The following SMURF2 variants were observed in gnomAD, a reference collection of about 807,000 sequenced individuals.
SMURF2 encodes E3 ubiquitin-protein ligase SMURF2.
SMURF2 carries 48 observed loss-of-function variants against 109.6 expected under a neutral mutation model. The ratio of observed to expected loss-of-function variants is 0.44; its 90% confidence interval spans 0.35 to 0.56. The LOEUF is 0.56. SMURF2 is among the 20% of genes least tolerant of loss of function. The pLI, the probability that SMURF2 is intolerant of heterozygous loss-of-function variation, is 0.01. For missense variants in SMURF2, 575 were observed against 909.0 expected, an observed-to-expected ratio of 0.63 and a Z score of 4.72; for synonymous variants, 288 against 317.1, an observed-to-expected ratio of 0.91 and a Z score of 0.97.
At chr17:64,608,514 TA>T (rs1555689264) in intron 1 of SMURF2, among the ~76,000 whole-genome samples, 1 of 152,176 alleles carries the variant, frequency 6.6e-6, no homozygotes, top group Non-Finnish European at 1.5e-5. Flanking sequence ...ACTTTTGTCA[TA>T]ATATAAATTG....
At chr17:64,604,858 C>T (rs140595049) in intron 2 of SMURF2, among the ~76,000 whole-genome samples, 4,207 of 151,794 alleles carry the variant, frequency 0.028, 191 homozygotes, top group African/African-American at 0.096. Flanking sequence ...GCAGGAGAAT[C>T]GCTTGAACCC....
In SMURF2 at chr17:64,581,506, G is replaced by A. The variant is rs1969577995; in HGVS notation, c.570-515C>T. ...TCAGTTTATTATTGCCTCCTAAGAG[G>A]TCCCTCAGACCTCCCAATCTAAAAA... is the stretch of plus-strand genomic sequence containing the variant. On this transcript the variant is annotated intron_variant, in intron 7 of 18. Transcript: ENST00000262435. This position sits in a 1 kb window ranked among gnomAD's most constrained non-coding sequence, Gnocchi z 4.3. Among the ~76,000 whole-genome samples the A allele has an allele frequency of 6.6e-6, 1 of 151,916 alleles. No individual in the cohort carries two copies. Among genetic ancestry groups the A allele is most frequent in the Non-Finnish European group, 1.5e-5 (1 of 67,980 alleles).
intron 1 of SMURF2, among the ~76,000 whole-genome samples, chr17:64,648,050 C>T (rs1970582331): frequency 1.0e-5 from 1 of 99,342 alleles, no homozygotes; most frequent in Non-Finnish European, 1.8e-5. Flanking sequence ...CAGTGAGACC[C>T]TATCTCTTAA....
chr17:64,648,079 A>C (rs1192576534), intron 1 of SMURF2, among the ~76,000 whole-genome samples: 11 of 148,870 alleles, frequency 7.4e-5, no homozygotes, highest in South Asian at 2.1e-4. Flanking sequence ...AAAAAAAAAA[A>C]AAAAAAAAAA....
At chr17:64,568,112 C>G (rs1270749840) in intron 10 of SMURF2, among the ~76,000 whole-genome samples, 1 of 152,046 alleles carries the variant, frequency 6.6e-6, no homozygotes, top group African/African-American at 2.4e-5. Context: ...CCTTGGCCTC[C>G]CAAAGTGGTG....
At chr17:64,594,521 GTC>G (rs1555687925) in intron 3 of SMURF2, among the ~76,000 whole-genome samples, 1 of 152,050 alleles carries the variant, frequency 6.6e-6, no homozygotes, top group East Asian at 1.9e-4. Flanking sequence ...TTTGAATTTG[GTC>G]TCTGTTGCTT....
chr17:64,608,231 A>AATT (rs1428890549), intron 1 of SMURF2, among the ~76,000 whole-genome samples: 14 of 152,182 alleles, frequency 9.2e-5, no homozygotes, highest in Middle Eastern at 3.4e-3. Context: ...TTAGTGTATA[A>AATT]AAGCTCATTT....
Position 64,555,837 on chromosome 17 carries a change from G to C in SMURF2, c.1593C>G (p.Asn531Lys). The change falls in exon 14 of 19, where the codon AAC becomes AAG. Residue 531 changes from asparagine to lysine, a missense_variant. Asn to Lys is a moderately conservative substitution (Grantham distance 94, BLOSUM62 0). Coordinates refer to ENST00000262435, the MANE Select transcript of SMURF2 (RefSeq NM_022739.4). ...DMELVDPDLH[N>K]SLVWILENDI... Reference sequence around the variant, plus strand: ...ATACATACAGTATCCACACTAAACTGTTGTGAAGATCCGGATCTACTAACT... The same window carrying C: ...ATACATACAGTATCCACACTAAACTCTTGTGAAGATCCGGATCTACTAACT... 1.2e-6 allele frequency: 2 copies of C among 1,612,040 alleles called. No homozygotes were observed. The highest frequency in any genetic ancestry group is 1.7e-5 in the Admixed American group (1 of 59,962).
intron 7 of SMURF2, 32 bp downstream of exon 7, chr17:64,583,429 T>C (rs530720956): frequency 2.6e-6 from 4 of 1,560,022 alleles, no homozygotes; most frequent in Non-Finnish European, 3.5e-6. Context: ...GTGGCTGGCA[T>C]AGATCATGAG....
At chr17:64,569,487 A>C in intron 10 of SMURF2, among the ~76,000 whole-genome samples, 1 of 151,500 alleles carries the variant, frequency 6.6e-6, no homozygotes, top group East Asian at 1.9e-4. Flanking sequence ...GCTGGTCAAT[A>C]GGCCAAAAAA....
chr17:64,606,506 C>T, intron 2 of SMURF2, 96 bp downstream of exon 2: 1 of 886,248 alleles, frequency 1.1e-6, no homozygotes, highest in Non-Finnish European at 1.7e-6. Flanking sequence ...ACTGACAATA[C>T]TTCTGAATAG....
At chr17:64,638,062 CTTTT>C (rs1195172818) in intron 1 of SMURF2, among the ~76,000 whole-genome samples, 1 of 102,424 alleles carries the variant, frequency 9.8e-6, no homozygotes, top group Admixed American at 1.0e-4. Flanking sequence ...TTTCCTTTTT[CTTTT>C]TTTTTTTTTT....
intron 1 of SMURF2, among the ~76,000 whole-genome samples, chr17:64,645,229 T>C (rs1182994172): frequency 1.3e-5 from 2 of 152,202 alleles, no homozygotes; most frequent in East Asian, 3.8e-4. Context: ...GAGATGCTGA[T>C]ATATTTAATA....
chr17:64,587,895 A>C (rs1265707566), intron 5 of SMURF2, among the ~76,000 whole-genome samples: 1 of 152,170 alleles, frequency 6.6e-6, no homozygotes, highest in Non-Finnish European at 1.5e-5. Context: ...AGTAAGATTC[A>C]AAGCTAAAGA....
intron 1 of SMURF2, among the ~76,000 whole-genome samples, chr17:64,627,309 T>C (rs1970281068): frequency 6.6e-6 from 1 of 152,012 alleles, no homozygotes; most frequent in Non-Finnish European, 1.5e-5. Flanking sequence ...AGAGATGGGG[T>C]TTCGTCTTAT....
chr17:64,588,858 C>T (rs576441747), intron 5 of SMURF2, among the ~76,000 whole-genome samples: 2 of 152,092 alleles, frequency 1.3e-5, no homozygotes, highest in African/African-American at 2.4e-5. Flanking sequence ...CTCCTGACCT[C>T]GTGATCCACC....
intron 9 of SMURF2, among the ~76,000 whole-genome samples, chr17:64,578,272 G>T (rs1555686230): frequency 6.6e-6 from 1 of 152,026 alleles, no homozygotes; most frequent in East Asian, 1.9e-4. Context: ...GGGGAAGCAG[G>T]GGAGGGTGGC....
chr17:64,559,777 C>G (rs1434532012), intron 12 of SMURF2, among the ~76,000 whole-genome samples: 1 of 149,430 alleles, frequency 6.7e-6, no homozygotes, highest in Non-Finnish European at 1.5e-5. Flanking sequence ...GAGACGGAGT[C>G]ACACTCTGTC....
chr17:64,611,558 C>G (rs1349545704), intron 1 of SMURF2, among the ~76,000 whole-genome samples: 2 of 152,112 alleles, frequency 1.3e-5, no homozygotes, highest in Non-Finnish European at 2.9e-5. Flanking sequence ...ACTGTATTCC[C>G]TCCTGACATC....
Sources: gnomAD v4.1 joint callset for allele counts (sites outside exome capture counted in the v4.1 genomes callset) on GRCh38, gnomAD v4.1.1 for gene constraint, Gnocchi (gnomAD v3.1) non-coding constraint, MANE v1.5 for transcripts, NCBI Gene and HGNC (gene_info 2026-07-23, HGNC 2026-07-21) for gene names.